The following XIRP2 variants were observed in gnomAD, a reference collection of about 807,000 sequenced individuals.
XIRP2 encodes xin actin-binding repeat-containing protein 2.
XIRP2 carries 236 observed loss-of-function variants against 277.0 expected under a neutral mutation model. The ratio of observed to expected loss-of-function variants is 0.85; its 90% CI spans 0.77 to 0.95. The LOEUF (loss-of-function observed/expected upper bound fraction) is 0.95. XIRP2 is among the 40% of genes least tolerant of loss of function. The pLI is 0.00. For missense variants in XIRP2, 4,640 were observed against 4,157.5 expected (o/e 1.12, Z -3.19); for synonymous variants, 1,490 against 1,416.5 (o/e 1.05, Z -1.17).
At chr2:167,111,474 A>T (rs1690752352) in intron 2 of XIRP2, among the ~76,000 whole-genome samples, 1 of 152,096 alleles carries the variant, frequency 6.6e-6, no homozygotes. Context: ...GCTGAATCAC[A>T]TTTATGGATT....
chr2:167,025,913 G>C (rs1444523645), intron 2 of XIRP2, among the ~76,000 whole-genome samples: 1 of 151,990 alleles, frequency 6.6e-6, no homozygotes, highest in Non-Finnish European at 1.5e-5. Context: ...GTGTGGTGCT[G>C]AAAAAAATGT....
chr2:166,919,073 A>T (rs1684970979), intron 2 of XIRP2, among the ~76,000 whole-genome samples: 1 of 151,798 alleles, frequency 6.6e-6, no homozygotes, highest in African/African-American at 2.4e-5. Flanking sequence ...CCATCCATCC[A>T]CTCTCTTCCT....
intron 4 of XIRP2, among the ~76,000 whole-genome samples, chr2:167,211,815 A>G (rs1450013069): frequency 1.3e-5 from 2 of 152,204 alleles, no homozygotes; most frequent in Non-Finnish European, 2.9e-5. Flanking sequence ...ATTCAGTAAG[A>G]CCACCAATTT....
At chr2:166,963,063 T>C (rs6432961) in intron 2 of XIRP2, among the ~76,000 whole-genome samples, 53,072 of 151,480 alleles carry the variant, frequency 0.35, 9,924 homozygotes, top group African/African-American at 0.47. Context: ...ATATACTAAT[T>C]ACCTTGATCT....
chr2:167,158,362 C>T (rs1189033676), intron 3 of XIRP2, among the ~76,000 whole-genome samples: 2 of 152,056 alleles, frequency 1.3e-5, no homozygotes, highest in Non-Finnish European at 2.9e-5. Context: ...AATTTGAAAA[C>T]ACTAGATTTT....
At chr2:166,934,313 G>A (rs1035017585) in intron 2 of XIRP2, among the ~76,000 whole-genome samples, 1 of 151,940 alleles carries the variant, frequency 6.6e-6, no homozygotes, top group African/African-American at 2.4e-5. Flanking sequence ...ACTGAAGGGA[G>A]CAGCTTCAAA....
chr2:167,110,671 A>G (rs1415427739), intron 2 of XIRP2, among the ~76,000 whole-genome samples: 1 of 151,866 alleles, frequency 6.6e-6, no homozygotes, highest in Non-Finnish European at 1.5e-5. Context: ...TTTTTATTCC[A>G]TATGTATTTT....
rs1451541651 is a variant in XIRP2, at chr2:166,903,540, G to C, written c.58G>C (p.Asp20His). The C allele has an allele frequency of 6.2e-7, 1 of 1,613,558 alleles. No individual in the cohort carries two copies. Among genetic ancestry groups the C allele is most frequent in the Non-Finnish European group, 8.5e-7 (1 of 1,179,724 alleles). The change falls in exon 2 of 11, where the codon GAT becomes CAT. Residue 20 changes from aspartate (D) to histidine (H), a missense_variant. Asp to His is a moderately conservative substitution (Grantham distance 81). Coordinates refer to ENST00000409195, the MANE Select transcript of XIRP2 (RefSeq NM_152381.6). The stretch of plus-strand genomic sequence containing the variant: ...CCTGAGGCAGAAATGGGAATCTTGT[G>C]ATTATCAGAGAAGTGAGTGTCATCC... Reference protein sequence around the residue: ...NLLRQKWESCDYQRSECHPRD... With the variant: ...NLLRQKWESCHYQRSECHPRD...
At chr2:166,954,403 A>G (rs1216211963) in intron 2 of XIRP2, among the ~76,000 whole-genome samples, 1 of 151,982 alleles carries the variant, frequency 6.6e-6, no homozygotes, top group African/African-American at 2.4e-5. Context: ...GCAATTATTA[A>G]AACGTCAAGA....
chr2:167,179,835 A>T (rs188807733), intron 3 of XIRP2, among the ~76,000 whole-genome samples: 57 of 152,006 alleles, frequency 3.7e-4, no homozygotes, highest in African/African-American at 1.3e-3. Flanking sequence ...TTTTGTGGAG[A>T]CAGGATCTCC....
At chr2:167,169,999 GA>G (rs1175440979) in intron 3 of XIRP2, among the ~76,000 whole-genome samples, 6 of 152,042 alleles carry the variant, frequency 3.9e-5, no homozygotes, top group Non-Finnish European at 5.9e-5. Flanking sequence ...TCTTAATATA[GA>G]AAAAGCATTC....
intron 3 of XIRP2, among the ~76,000 whole-genome samples, chr2:167,183,384 A>T (rs538895924): frequency 6.6e-6 from 1 of 152,290 alleles, no homozygotes; most frequent in African/African-American, 2.4e-5. Context: ...TAGTTATATG[A>T]TTCAATAATA....
chr2:167,234,588 A>G (rs1265213522), intron 5 of XIRP2, among the ~76,000 whole-genome samples: 4 of 151,702 alleles, frequency 2.6e-5, no homozygotes, highest in African/African-American at 9.7e-5. Flanking sequence ...CAAAGAAAAA[A>G]GTCACTACAT....
At chr2:167,081,040 C>A (rs890040703) in intron 2 of XIRP2, among the ~76,000 whole-genome samples, 12 of 152,076 alleles carry the variant, frequency 7.9e-5, no homozygotes, top group African/African-American at 2.9e-4. Context: ...GCTTTAAAGT[C>A]AACTTTTTAA....
chr2:167,195,347 A>G (rs1279662508), intron 3 of XIRP2, among the ~76,000 whole-genome samples: 1 of 152,122 alleles, frequency 6.6e-6, no homozygotes, highest in Non-Finnish European at 1.5e-5. Flanking sequence ...CACATTTTAA[A>G]CCTTGTCAGT....
In XIRP2 at chr2:167,146,548, A is replaced by G. The variant is rs150928143; in HGVS notation, c.562+10486A>G. On this transcript the variant is annotated intron_variant, in intron 3 of 10. Transcript: ENST00000409195. ...GAAAGAAATTAATTATAGAGAATAG[A>G]ATATAAAGCAGAGTAATAAATTTAT... Among the ~76,000 whole-genome samples, 618 of 152,160 alleles carry G rather than the reference A, an allele frequency of 4.1e-3. 6 individuals carry two copies. Among genetic ancestry groups the G allele is most frequent in the African/African-American group, 0.013 (558 of 41,556 alleles).
At chr2:167,133,318 C>T (rs762969950) in intron 2 of XIRP2, among the ~76,000 whole-genome samples, 1 of 152,174 alleles carries the variant, frequency 6.6e-6, no homozygotes, top group East Asian at 1.9e-4. Context: ...CCAAGAAGCT[C>T]TTTTACATCT....
At chr2:167,016,294 AT>A (rs2105478107) in intron 2 of XIRP2, among the ~76,000 whole-genome samples, 1 of 151,940 alleles carries the variant, frequency 6.6e-6, no homozygotes, top group Admixed American at 6.6e-5. Context: ...AGTCAGTTTC[AT>A]TAGGTAAAGA....
In XIRP2 at chr2:167,247,614, T is replaced by C. The variant is rs1427704648; in HGVS notation, c.6222T>C (p.Leu2074=). 6.2e-7 allele frequency: 1 copy of C among 1,613,540 alleles called. No individual in the cohort carries two copies. The highest frequency in any genetic ancestry group is 8.5e-7 in the Non-Finnish European group (1 of 1,179,752). Residue 2074 remains leucine, a synonymous_variant, in exon 9 of 11, where the codon CTT becomes CTC. Coordinates refer to ENST00000409195, the MANE Select transcript of XIRP2 (RefSeq NM_152381.6). The part of the protein sequence containing the change: ...VWTDTTGEQH[L]RDEYMSRQLT... Reference sequence around the variant, plus strand: ...CTGATACTACAGGAGAACAGCATCTTAGAGATGAATATATGAGCAGACAAT... The same window carrying C: ...CTGATACTACAGGAGAACAGCATCTCAGAGATGAATATATGAGCAGACAAT...
Sources: gnomAD v4.1 joint callset for allele counts (sites outside exome capture counted in the v4.1 genomes callset) on GRCh38, gnomAD v4.1.1 for gene constraint, MANE v1.5 for transcripts, NCBI Gene and HGNC (gene_info 2026-07-23, HGNC 2026-07-21) for gene names.